SLC38A12: variants seen among roughly 807,000 people sequenced by gnomAD.
SLC38A12 encodes putative sodium-coupled neutral amino acid transporter 12.
At chr17:74,816,686 TG>T in the SLC38A12 span, among the ~76,000 whole-genome samples, 6 of 151,158 alleles carry the variant, frequency 4.0e-5, no homozygotes, top group African/African-American at 1.5e-4. Context: ...CGTTTTTTTT[TG>T]TTTTTTTTTA....
chr17:74,790,150 C>G, the SLC38A12 span: 130 of 1,488,662 alleles, frequency 8.7e-5, no homozygotes, highest in Admixed American at 3.0e-4. Context: ...GTGCTCCTTT[C>G]TTTTCCCTTG....
chr17:74,831,429 C>T, the SLC38A12 span, among the ~76,000 whole-genome samples: 3 of 152,184 alleles, frequency 2.0e-5, no homozygotes, highest in Non-Finnish European at 2.9e-5. Flanking sequence ...AAGACAAATG[C>T]GGTGGCTTTT....
the SLC38A12 span, among the ~76,000 whole-genome samples, chr17:74,783,700 C>G: frequency 2.7e-5 from 4 of 148,510 alleles, no homozygotes; most frequent in Admixed American, 6.7e-5. Flanking sequence ...AGTTGGCAAT[C>G]TCTATTTCTT....
At chr17:74,794,963 T>A in the SLC38A12 span, 7 of 1,451,122 alleles carry the variant, frequency 4.8e-6, no homozygotes, top group African/African-American at 1.0e-4. Flanking sequence ...AAAAAAAACA[T>A]GCAGACATCT....
At chr17:74,821,030 C>T in the SLC38A12 span, among the ~76,000 whole-genome samples, 2 of 152,232 alleles carry the variant, frequency 1.3e-5, no homozygotes, top group Non-Finnish European at 2.9e-5. Context: ...CGCCTCGCCC[C>T]TCTGGGAGCA....
At chr17:74,821,026 G>A in the SLC38A12 span, among the ~76,000 whole-genome samples, 5 of 152,182 alleles carry the variant, frequency 3.3e-5, no homozygotes, top group Non-Finnish European at 4.4e-5. Flanking sequence ...GCCCCGCCTC[G>A]CCCCTCTGGG....
the SLC38A12 span, chr17:74,836,277 C>A: frequency 8.1e-6 from 13 of 1,611,990 alleles, no homozygotes; most frequent in Non-Finnish European, 1.1e-5. The surrounding 1 kb of genome is among the most constrained non-coding windows in gnomAD (Gnocchi z 4.2). Context: ...GGGCCTCTTC[C>A]CCGTCTTCAC....
the SLC38A12 span, among the ~76,000 whole-genome samples, chr17:74,806,597 A>G: frequency 2.2e-3 from 335 of 152,270 alleles, 2 homozygotes; most frequent in South Asian, 0.02. Flanking sequence ...CAAACCCTCT[A>G]TAAGAGCCCT....
chr17:74,777,938 C>T, the SLC38A12 span, among the ~76,000 whole-genome samples: 4 of 152,202 alleles, frequency 2.6e-5, no homozygotes, highest in African/African-American at 9.7e-5. Context: ...TAATGTTCAT[C>T]TCCAGGCTAC....
At chr17:74,830,786 C>T in the SLC38A12 span, among the ~76,000 whole-genome samples, 1 of 152,224 alleles carries the variant, frequency 6.6e-6, no homozygotes, top group Non-Finnish European at 1.5e-5. Context: ...CAATGACTTC[C>T]TGTGCCTTCG....
the SLC38A12 span, among the ~76,000 whole-genome samples, chr17:74,822,995 C>A: frequency 6.6e-6 from 1 of 152,366 alleles, no homozygotes; most frequent in East Asian, 1.9e-4. Context: ...GAGAACCACC[C>A]TAAAGGCAGT....
the SLC38A12 span, among the ~76,000 whole-genome samples, chr17:74,778,937 G>A: frequency 3.9e-5 from 6 of 152,080 alleles, no homozygotes; most frequent in Non-Finnish European, 8.8e-5. Flanking sequence ...CAAAGTGCTG[G>A]GATTACAGCC....
chr17:74,798,833 C>T, the SLC38A12 span, among the ~76,000 whole-genome samples: 1 of 151,150 alleles, frequency 6.6e-6, no homozygotes. Flanking sequence ...TGCCTCCAGG[C>T]TAGGGAACAT....
At chr17:74,820,304 A>G in the SLC38A12 span, among the ~76,000 whole-genome samples, 1 of 152,242 alleles carries the variant, frequency 6.6e-6, no homozygotes, top group Non-Finnish European at 1.5e-5. Context: ...CCATGGCAGC[A>G]GCCACTCTCT....
At chr17:74,838,500 T>A in the SLC38A12 span, 1 of 1,021,532 alleles carries the variant, frequency 9.8e-7, no homozygotes, top group Non-Finnish European at 1.2e-6. Context: ...CGCAAATTCA[T>A]TAGCTTCATA....
chr17:74,838,698 C>T, the SLC38A12 span: 1 of 1,432,558 alleles, frequency 7.0e-7, no homozygotes, highest in Non-Finnish European at 9.1e-7. Flanking sequence ...GATGAGGTCA[C>T]CTTCCTCTCC....
At chr17:74,838,934 C>G in the SLC38A12 span, 1 of 1,535,756 alleles carries the variant, frequency 6.5e-7, no homozygotes, top group East Asian at 2.4e-5. Context: ...GGATGCCAGC[C>G]CAGCCTGGCC....
chr17:74,816,711 C>T, the SLC38A12 span, among the ~76,000 whole-genome samples: 1,234 of 151,842 alleles, frequency 8.1e-3, 31 homozygotes, highest in Admixed American at 0.043. Context: ...ATGTGCTTGG[C>T]TGCAGCGACT....
the SLC38A12 span, chr17:74,836,333 C>T: frequency 6.2e-7 from 1 of 1,613,110 alleles, no homozygotes; most frequent in Non-Finnish European, 8.5e-7. This position sits in a 1 kb window ranked among gnomAD's most constrained non-coding sequence, Gnocchi z 4.2. Flanking sequence ...TGCGCAACAA[C>T]TGGAAGACAC....
Sources: allele counts gnomAD v4.1 joint callset (sites outside exome capture counted in the v4.1 genomes callset), GRCh38; gene constraint gnomAD v4.1.1; non-coding constraint Gnocchi (gnomAD v3.1); transcripts MANE v1.5; gene names NCBI Gene and HGNC (gene_info 2026-07-23, HGNC 2026-07-21).